DHRSX: variants seen among roughly 807,000 people sequenced by gnomAD.
DHRSX encodes dehydrogenase/reductase X-linked.
In DHRSX, 31 loss-of-function variants were observed where a neutral mutation model predicts 34.0. The ratio of observed to expected loss-of-function variants is 0.91; its 90% CI spans 0.69 to 1.23. The LOEUF (loss-of-function observed/expected upper bound fraction) is 1.23. Ranked by LOEUF, DHRSX falls within the 50% of genes most tolerant of loss-of-function variation. The probability of loss-of-function intolerance (pLI) is 0.00; values close to 1 mark genes in which losing one functional copy is unlikely to be tolerated. For synonymous variants in DHRSX, 201 were observed against 183.8 expected (o/e 1.09, Z -0.76); for missense variants, 414 against 428.1 (o/e 0.97, Z 0.29).
chrX:2,264,701 T>C (rs1443096128), intron 5 of DHRSX, among the ~76,000 whole-genome samples: 4 of 116,272 alleles, frequency 3.4e-5, no homozygotes, highest in Non-Finnish European at 5.3e-5. Context: ...GTGCGCCCAG[T>C]AGACACAGAG....
At chrX:2,307,803 T>A (rs532689520) in intron 3 of DHRSX, among the ~76,000 whole-genome samples, 46,288 of 136,870 alleles carry the variant, frequency 0.34, 9,030 homozygotes, top group Middle Eastern at 0.47. Flanking sequence ...AAAAATAAAA[T>A]AAAAAACAAG....
At chrX:2,240,824 C>T (rs750288259) in intron 6 of DHRSX, among the ~76,000 whole-genome samples, 2 of 152,174 alleles carry the variant, frequency 1.3e-5, no homozygotes, top group African/African-American at 4.8e-5. Context: ...ACTTTAGTAT[C>T]CCGACTTGAG....
intron 6 of DHRSX, among the ~76,000 whole-genome samples, chrX:2,230,948 G>T (rs922904867): frequency 6.6e-6 from 1 of 152,154 alleles, no homozygotes; most frequent in African/African-American, 2.4e-5. Context: ...CGGTCTCAAT[G>T]GCAGAGAGTC....
At chrX:2,387,686 C>T (rs1372856370) in intron 3 of DHRSX, among the ~76,000 whole-genome samples, 1 of 148,422 alleles carries the variant, frequency 6.7e-6, no homozygotes, top group Non-Finnish European at 1.5e-5. Flanking sequence ...CCCTCACAGA[C>T]ACACCCAGGA....
intron 3 of DHRSX, among the ~76,000 whole-genome samples, chrX:2,403,746 C>T (rs2043517103): frequency 6.6e-6 from 1 of 151,580 alleles, no homozygotes; most frequent in Non-Finnish European, 1.5e-5. Flanking sequence ...ATCCCAGTTA[C>T]TCGGGAGGCT....
chrX:2,464,108 G>T (rs1244549303), intron 1 of DHRSX, among the ~76,000 whole-genome samples: 3 of 152,046 alleles, frequency 2.0e-5, no homozygotes, highest in Non-Finnish European at 4.4e-5. Context: ...CCCTAAGTAC[G>T]TGGCTAAGGG....
chrX:2,418,477 A>G (rs1323837218), intron 2 of DHRSX, among the ~76,000 whole-genome samples: 1 of 152,220 alleles, frequency 6.6e-6, no homozygotes, highest in Non-Finnish European at 1.5e-5. Context: ...AAAAGCACAA[A>G]GAAATGGGGT....
At chrX:2,459,348 CTTGTTAATATGTTAATTAGCTTGA>C (rs1177978266) in intron 1 of DHRSX, among the ~76,000 whole-genome samples, 3 of 151,608 alleles carry the variant, frequency 2.0e-5, no homozygotes, top group African/African-American at 7.3e-5. Flanking sequence ...TGTAAATTAG[CTTGTTAATATGTTAATTAGCTTGA>C]TTGTTAATAT....
At chrX:2,453,936 T>C (rs2044261649) in intron 1 of DHRSX, among the ~76,000 whole-genome samples, 1 of 151,580 alleles carries the variant, frequency 6.6e-6, no homozygotes. Flanking sequence ...TTTAATATGT[T>C]AATTAACTTT....
intron 1 of DHRSX, among the ~76,000 whole-genome samples, chrX:2,460,706 C>T: frequency 6.6e-6 from 1 of 151,912 alleles, no homozygotes. Context: ...ACCTCAGCCT[C>T]CTGTGTAACT....
rs769749539 is a variant in DHRSX at position 2,489,362 on chromosome X, T to C, written c.109+11455A>G. On this transcript the variant is annotated intron_variant, in intron 1 of 6. Coordinates refer to ENST00000334651, the MANE Select transcript of DHRSX (RefSeq NM_145177.3). Reference sequence around the variant, plus strand: ...CTCCTGGTAGGTCTTGGAAAGCTCCTTGGCGATGACCTCCTTGGCCATGCT... The same window carrying C: ...CTCCTGGTAGGTCTTGGAAAGCTCCCTGGCGATGACCTCCTTGGCCATGCT... The C allele has an allele frequency of 8.1e-6, 13 of 1,613,962 alleles. No homozygotes were observed. In the South Asian group the frequency reaches 1.2e-4, roughly 15 times the overall value.
intron 6 of DHRSX, among the ~76,000 whole-genome samples, chrX:2,229,435 C>T (rs1326374544): frequency 6.6e-6 from 1 of 152,018 alleles, no homozygotes; most frequent in Non-Finnish European, 1.5e-5. Flanking sequence ...CCACGATGTC[C>T]CCTGCCTCTT....
chrX:2,303,869 GTGGATGGGTGGATGGATGGA>G (rs1569485743), intron 3 of DHRSX, among the ~76,000 whole-genome samples: 1 of 108,268 alleles, frequency 9.2e-6, no homozygotes, highest in Non-Finnish European at 1.9e-5. Context: ...GGGTGGATGG[GTGGATGGGTGGATGGATGGA>G]TGGATGGATA....
chrX:2,466,144 A>G, intron 1 of DHRSX, among the ~76,000 whole-genome samples: 1 of 152,304 alleles, frequency 6.6e-6, no homozygotes, highest in African/African-American at 2.4e-5. Flanking sequence ...GACCCATGAA[A>G]AAGAATGGGA....
At chrX:2,298,614 A>ACACACACACACACACACGCACACG (rs1556457247) in intron 3 of DHRSX, among the ~76,000 whole-genome samples, 1 of 82,956 alleles carries the variant, frequency 1.2e-5, no homozygotes, top group African/African-American at 4.1e-5. Context: ...ACACACACAC[A>ACACACACACACACACACGCACACG]CACACACACA....
intron 6 of DHRSX, among the ~76,000 whole-genome samples, chrX:2,227,459 G>C (rs1311200874): frequency 6.9e-6 from 1 of 144,542 alleles, no homozygotes; most frequent in Non-Finnish European, 1.5e-5. Flanking sequence ...GAGGGAGGCA[G>C]TAAGAAAGGA....
chrX:2,237,526 A>G (rs1359984778), intron 6 of DHRSX, among the ~76,000 whole-genome samples: 1 of 145,878 alleles, frequency 6.9e-6, no homozygotes, highest in African/African-American at 2.5e-5. Context: ...TTTTTTTGAG[A>G]TGGAGTTTCG....
At chrX:2,407,017 G>A (rs2043563645) in intron 3 of DHRSX, among the ~76,000 whole-genome samples, 1 of 152,046 alleles carries the variant, frequency 6.6e-6, no homozygotes, top group Non-Finnish European at 1.5e-5. Context: ...AAACAACCTA[G>A]GTGTCCAACA....
chrX:2,324,589 C>T (rs1475297351), intron 3 of DHRSX, among the ~76,000 whole-genome samples: 2 of 152,034 alleles, frequency 1.3e-5, no homozygotes, highest in African/African-American at 4.8e-5. Flanking sequence ...GCTCTGTGCT[C>T]TTCAGGGACC....
Sources: allele counts gnomAD v4.1 joint callset (sites outside exome capture counted in the v4.1 genomes callset), GRCh38; gene constraint gnomAD v4.1.1; transcripts MANE v1.5; gene names NCBI Gene and HGNC (gene_info 2026-07-23, HGNC 2026-07-21).